Variants in MR1 observed in about 807,000 individuals in gnomAD.
MR1 encodes the protein major histocompatibility complex class I-related protein 1.
A neutral mutation model predicts 37.8 loss-of-function variants in MR1; 44 were observed. That is an observed-to-expected ratio of 1.16 (90% confidence interval 0.91 to 1.50). The LOEUF (loss-of-function observed/expected upper bound fraction) is 1.50, where lower values mean the gene tolerates loss of function less well. MR1 is among the 40% of genes most tolerant of loss of function. MR1 has a pLI of 0.00. For synonymous variants in MR1, 153 were observed against 155.8 expected (o/e 0.98, Z 0.13); for missense variants, 386 against 419.1 (o/e 0.92, Z 0.69).
At chr1:181,036,797 G>A (rs1379057506) in intron 1 of MR1, among the ~76,000 whole-genome samples, 1 of 152,174 alleles carries the variant, frequency 6.6e-6, no homozygotes, top group East Asian at 1.9e-4. Context: ...GTGCCCAACA[G>A]GCACTTAGTA....
At chr1:181,033,725 C>G (rs1040372962), upstream of MR1, among the ~76,000 whole-genome samples, 3 of 152,186 alleles carry the variant, frequency 2.0e-5, no homozygotes, top group Non-Finnish European at 4.4e-5. Flanking sequence ...CTTTGTTTCT[C>G]TGTGCTTTGA....
chr1:181,038,378 G>A (rs1558111615), intron 1 of MR1, among the ~76,000 whole-genome samples: 1 of 152,134 alleles, frequency 6.6e-6, no homozygotes, highest in Non-Finnish European at 1.5e-5. Context: ...TAAAAATATT[G>A]CCACCTACTT....
intron 1 of MR1, among the ~76,000 whole-genome samples, chr1:181,034,929 C>A (rs1396346985): frequency 6.6e-6 from 1 of 152,102 alleles, no homozygotes; most frequent in Non-Finnish European, 1.5e-5. Context: ...TACCTTAAAG[C>A]CCCAACTTGA....
At chr1:181,043,962 T>TTC (rs1491336163) in intron 1 of MR1, among the ~76,000 whole-genome samples, 2 of 51,116 alleles carry the variant, frequency 3.9e-5, no homozygotes, top group Non-Finnish European at 9.0e-5. Context: ...TTGTCTGATC[T>TTC]TTTTTTTTTT....
At chr1:181,039,058 G>GC (rs1334457558) in intron 1 of MR1, among the ~76,000 whole-genome samples, 3 of 151,940 alleles carry the variant, frequency 2.0e-5, no homozygotes, top group East Asian at 3.9e-4. Context: ...GCCTGCCTTG[G>GC]CCCCCCAAAG....
intron 1 of MR1, among the ~76,000 whole-genome samples, chr1:181,046,658 C>G (rs1036172289): frequency 2.0e-5 from 3 of 152,104 alleles, no homozygotes; most frequent in African/African-American, 7.2e-5. Context: ...CCAGCAGTGG[C>G]AACCGTCTCG....
intron 1 of MR1, among the ~76,000 whole-genome samples, chr1:181,041,176 A>G (rs535971830): frequency 2.5e-4 from 38 of 152,260 alleles, no homozygotes; most frequent in Middle Eastern, 3.4e-3. Context: ...CTCTCTATCT[A>G]CCTCTTTTAA....
At chr1:181,040,979 G>A (rs1259047787) in intron 1 of MR1, among the ~76,000 whole-genome samples, 1 of 151,962 alleles carries the variant, frequency 6.6e-6, no homozygotes, top group Non-Finnish European at 1.5e-5. Context: ...CTACTTGGGA[G>A]GCTGAGGCAG....
chr1:181,052,308 CT>C lies in MR1; in HGVS notation c.682del (p.Tyr228ThrfsTer7), dbSNP rs1658364631. On this transcript the variant is annotated frameshift_variant, in exon 4 of 6. Coordinates refer to ENST00000367580, the MANE Select transcript of MR1 (RefSeq NM_001385161.1). LOFTEE classifies it high-confidence loss of function. Reference protein sequence around the residue: ...VTALFCKAHGFYPPEIYMTWM... With the variant: ...VTALFCKAHGXYPPEIYMTWM... The stretch of plus-strand genomic sequence containing the variant: ...CAGCTCTCTTCTGCAAAGCTCATGG[CT>C]TTTACCCCCCAGAAATTTACATGAC... 1 of 1,614,064 alleles carries C rather than the reference CT, an allele frequency of 6.2e-7. No homozygotes were observed. The highest frequency in any genetic ancestry group is 1.3e-5 in the African/African-American group (1 of 74,926).
At chr1:181,051,111 T>C (rs1658293516) in intron 3 of MR1, 1 of 152,138 alleles carries the variant, frequency 6.6e-6, no homozygotes, top group Admixed American at 6.5e-5. Flanking sequence ...TATTCAAAAT[T>C]AATCACACCT....
chr1:181,061,819 C>T lies in MR1; in HGVS notation c.*6554C>T, dbSNP rs1466501758. The T allele has an allele frequency of 6.6e-6, 1 of 152,224 alleles. No homozygotes were observed. Among genetic ancestry groups the T allele is most frequent in the Non-Finnish European group, 1.5e-5 (1 of 68,040 alleles). The allele number at this position is 152,224 out of a possible 1,614,324, so 9.4% of individuals were successfully genotyped here. A position where few individuals can be genotyped will look rare whatever the true frequency, so the allele number is the denominator to read the frequency against. ...GAAGTCATAGAGGGGAAATATCCCA[C>T]TCAAGATCATATAACATTCCAGGTA... On this transcript the variant is annotated 3_prime_UTR_variant, in exon 6 of 6. Coordinates refer to ENST00000367580, the MANE Select transcript of MR1 (RefSeq NM_001385161.1).
chr1:181,054,609 T>G (rs564497329), intron 5 of MR1, among the ~76,000 whole-genome samples: 5 of 152,016 alleles, frequency 3.3e-5, no homozygotes, highest in Non-Finnish European at 7.4e-5. Context: ...CCCAGCACTT[T>G]GAGAGGCCGA....
intron 1 of MR1, among the ~76,000 whole-genome samples, chr1:181,047,461 T>G (rs1053875586): frequency 1.3e-5 from 2 of 152,052 alleles, no homozygotes; most frequent in Admixed American, 1.3e-4. Flanking sequence ...TAGCCAGGCA[T>G]GCTGGCACAT....
chr1:181,049,032 C>T lies in MR1; in HGVS notation c.68-20C>T, dbSNP rs1337192936. 2 of 1,608,640 alleles carry T rather than the reference C, an allele frequency of 1.2e-6. No homozygotes were observed. Among genetic ancestry groups the T allele is most frequent in the African/African-American group, 2.7e-5 (2 of 74,932 alleles). The stretch of plus-strand genomic sequence containing the variant: ...ATCATCTGGGACCCTACATGTCTTC[C>T]TTCTTTGCCTCCTTTCCAGGGACGC... On this transcript the variant is annotated intron_variant, in intron 1 of 5. Coordinates refer to ENST00000367580, the MANE Select transcript of MR1 (RefSeq NM_001385161.1).
In MR1 at chr1:181,050,219, G is replaced by A. The variant is rs1658227180; in HGVS notation, c.537G>A (p.Leu179=). The A allele has an allele frequency of 6.2e-6, 10 of 1,614,208 alleles. No individual in the cohort carries two copies. The highest frequency in any genetic ancestry group is 8.5e-6 in the Non-Finnish European group (10 of 1,180,034). Reference sequence around the variant, plus strand: ...AGTTGCTGTATCAAAAGAATTGGCTGGAAGAAGAATGTATTGCCTGGCTAA... The same window carrying A: ...AGTTGCTGTATCAAAAGAATTGGCTAGAAGAAGAATGTATTGCCTGGCTAA... ...QHELLYQKNW[L]EEECIAWLKR... Residue 179 remains leucine, a synonymous_variant, in exon 3 of 6, where the codon CTG becomes CTA. Transcript: ENST00000367580.
At chr1:181,041,341 G>A (rs959766695) in intron 1 of MR1, among the ~76,000 whole-genome samples, 9 of 152,156 alleles carry the variant, frequency 5.9e-5, no homozygotes, top group Admixed American at 3.9e-4. Context: ...TAATACTGGA[G>A]GTTTTTTTGC....
In MR1 at chr1:181,050,198, G is replaced by A; in HGVS notation, c.516G>A (p.Leu172=). 6.2e-7 allele frequency: 1 copy of A among 1,614,254 alleles called. No individual in the cohort carries two copies. The highest frequency in any genetic ancestry group is 8.5e-7 in the Non-Finnish European group (1 of 1,180,042). Reference sequence around the variant, plus strand: ...CATGGGAGGCCAATCAGCATGAGTTGCTGTATCAAAAGAATTGGCTGGAAG... The same window carrying A: ...CATGGGAGGCCAATCAGCATGAGTTACTGTATCAAAAGAATTGGCTGGAAG... The part of the protein sequence containing the change: ...KQAWEANQHE[L]LYQKNWLEEE... Residue 172 remains leucine, a synonymous_variant, in exon 3 of 6, where the codon TTG becomes TTA. Coordinates refer to ENST00000367580, the MANE Select transcript of MR1 (RefSeq NM_001385161.1).
intron 1 of MR1, among the ~76,000 whole-genome samples, chr1:181,046,834 C>G (rs1051676859): frequency 2.0e-5 from 3 of 151,890 alleles, no homozygotes; most frequent in Non-Finnish European, 2.9e-5. Context: ...CCAGGAGGAA[C>G]GAACAACTCC....
intron 1 of MR1, among the ~76,000 whole-genome samples, chr1:181,046,265 T>C (rs1025276176): frequency 7.2e-5 from 11 of 152,242 alleles, no homozygotes; most frequent in Admixed American, 7.2e-4. Flanking sequence ...CAGTGGGGGA[T>C]CCACTGGGTG....
Sources: allele counts gnomAD v4.1 joint callset (sites outside exome capture counted in the v4.1 genomes callset), GRCh38; gene constraint gnomAD v4.1.1; transcripts MANE v1.5; gene names NCBI Gene and HGNC (gene_info 2026-07-23, HGNC 2026-07-21).